GPC6: variants seen among roughly 807,000 people sequenced by gnomAD.
The protein encoded by GPC6 is glypican 6.
GPC6 carries 14 observed loss-of-function variants against 55.2 expected under a neutral mutation model. The ratio of observed to expected loss-of-function variants is 0.25; its 90% CI spans 0.17 to 0.40. GPC6 has a LOEUF of 0.40. Ranked by LOEUF, GPC6 falls within the 10% of genes least tolerant of loss-of-function variation. GPC6 has a pLI of 1.00. For synonymous variants in GPC6, 278 were observed against 259.6 expected, an observed-to-expected ratio of 1.07 and a Z score of -0.68; for missense variants, 641 against 708.5, an observed-to-expected ratio of 0.90 and a Z score of 1.08.
chr13:93,917,403 CA>C (rs796168883), intron 3 of GPC6, among the ~76,000 whole-genome samples: 1 of 151,728 alleles, frequency 6.6e-6, no homozygotes, highest in Non-Finnish European at 1.5e-5. Context: ...CTGCCACACA[CA>C]AAAAAACATT....
chr13:94,259,446 G>T (rs574006161), intron 4 of GPC6, among the ~76,000 whole-genome samples: 45 of 152,368 alleles, frequency 3.0e-4, no homozygotes, highest in Admixed American at 2.8e-3. Context: ...AGGCTGGGCT[G>T]CTTACATGCT....
intron 1 of GPC6, among the ~76,000 whole-genome samples, chr13:93,393,772 C>T (rs981057441): frequency 6.6e-6 from 1 of 152,034 alleles, no homozygotes; most frequent in African/African-American, 2.4e-5. Flanking sequence ...GAATGGCATT[C>T]AAGACCCCAT....
intron 2 of GPC6, among the ~76,000 whole-genome samples, chr13:93,825,575 T>C (rs1887200843): frequency 1.3e-5 from 2 of 152,312 alleles, no homozygotes; most frequent in South Asian, 4.1e-4. Flanking sequence ...CAGAAGAGGA[T>C]AAATGGCACT....
intron 4 of GPC6, among the ~76,000 whole-genome samples, chr13:94,197,014 C>T (rs1216233469): frequency 6.6e-6 from 1 of 151,140 alleles, no homozygotes; most frequent in Non-Finnish European, 1.5e-5. Flanking sequence ...CATTCTATAA[C>T]AAATGATGTC....
intron 1 of GPC6, among the ~76,000 whole-genome samples, chr13:93,325,962 A>G (rs1277265348): frequency 6.6e-6 from 1 of 152,152 alleles, no homozygotes; most frequent in African/African-American, 2.4e-5. Flanking sequence ...CCAACTAGTG[A>G]CTAGGTACTG....
intron 3 of GPC6, among the ~76,000 whole-genome samples, chr13:94,022,871 G>A (rs1882753110): frequency 6.6e-6 from 1 of 151,982 alleles, no homozygotes; most frequent in Non-Finnish European, 1.5e-5. Flanking sequence ...GTCATCTTTG[G>A]AGAAATGTCT....
chr13:93,808,873 G>A (rs1306055333), intron 2 of GPC6, among the ~76,000 whole-genome samples: 1 of 152,146 alleles, frequency 6.6e-6, no homozygotes, highest in Non-Finnish European at 1.5e-5. Flanking sequence ...CAAGGTAGTT[G>A]TAGGGAGCTG....
chr13:93,995,344 C>G (rs1881495781), intron 3 of GPC6, among the ~76,000 whole-genome samples: 1 of 151,932 alleles, frequency 6.6e-6, no homozygotes, highest in South Asian at 2.1e-4. Flanking sequence ...TGCACCACCA[C>G]ACCCAGGTAA....
intron 2 of GPC6, among the ~76,000 whole-genome samples, chr13:93,619,127 T>C (rs1047522812): frequency 6.6e-6 from 1 of 152,164 alleles, no homozygotes; most frequent in Non-Finnish European, 1.5e-5. Flanking sequence ...CATTATGTGG[T>C]ACATGACTGT....
intron 2 of GPC6, among the ~76,000 whole-genome samples, chr13:93,711,339 A>G (rs1348164460): frequency 6.6e-6 from 1 of 151,682 alleles, no homozygotes; most frequent in Non-Finnish European, 1.5e-5. Context: ...CCGTTCATAA[A>G]ACCATCAGAT....
chr13:94,127,042 A>G (rs141000500), intron 4 of GPC6, among the ~76,000 whole-genome samples: 6 of 152,220 alleles, frequency 3.9e-5, no homozygotes, highest in African/African-American at 1.4e-4. Flanking sequence ...TCATTTTTCA[A>G]TATGGTAACT....
At chr13:93,699,219 C>T (rs985896650) in intron 2 of GPC6, among the ~76,000 whole-genome samples, 9 of 151,928 alleles carry the variant, frequency 5.9e-5, no homozygotes, top group Non-Finnish European at 7.4e-5. Context: ...GCCAAGATTG[C>T]GAAGTTTAAG....
At chr13:93,562,588 C>G (rs1179641413) in intron 2 of GPC6, among the ~76,000 whole-genome samples, 1 of 152,014 alleles carries the variant, frequency 6.6e-6, no homozygotes, top group Non-Finnish European at 1.5e-5. Flanking sequence ...ACACAATTTG[C>G]TTTTACTATT....
chr13:93,473,817 G>T (rs1294176170), intron 1 of GPC6, among the ~76,000 whole-genome samples: 1 of 152,194 alleles, frequency 6.6e-6, no homozygotes. Context: ...TCAGGCAAGA[G>T]TGGCGACACA....
chr13:93,248,307 T>A (rs183106883), intron 1 of GPC6, among the ~76,000 whole-genome samples: 153 of 152,064 alleles, frequency 1.0e-3, no homozygotes, highest in African/African-American at 3.6e-3. Context: ...TTTCTAGCCA[T>A]GATTTTAAAA....
chr13:93,397,021 T>C (rs1486074624), intron 1 of GPC6, among the ~76,000 whole-genome samples: 1 of 152,224 alleles, frequency 6.6e-6, no homozygotes, highest in Non-Finnish European at 1.5e-5. Context: ...TCATTTGCAA[T>C]TATCCTTCAT....
At chr13:93,684,783 A>G (rs983330966) in intron 2 of GPC6, among the ~76,000 whole-genome samples, 1 of 152,192 alleles carries the variant, frequency 6.6e-6, no homozygotes, top group African/African-American at 2.4e-5. Flanking sequence ...TAAAAAAAAG[A>G]AGGATAGCAT....
intron 6 of GPC6, among the ~76,000 whole-genome samples, chr13:94,345,990 G>A (rs1244455557): frequency 2.6e-5 from 4 of 152,094 alleles, no homozygotes; most frequent in African/African-American, 9.7e-5. Context: ...TAAGCTTCTA[G>A]TGGATTTCCC....
rs1337958660 is a variant in GPC6, at chr13:94,407,220, G to C, written c.*4003G>C. The C allele has an allele frequency of 1.3e-5, 2 of 151,972 alleles. No homozygotes were observed. The highest frequency in any genetic ancestry group is 2.9e-5 in the Non-Finnish European group (2 of 67,958). 9.4% of individuals were successfully genotyped at this position (151,972 alleles called of 1,614,324 possible). A position where few individuals can be genotyped will look rare whatever the true frequency, so the allele number is the denominator to read the frequency against. On this transcript the variant is annotated 3_prime_UTR_variant, in exon 9 of 9. Coordinates refer to ENST00000377047, the MANE Select transcript of GPC6 (RefSeq NM_005708.5). Reference sequence around the variant, plus strand: ...TTCCAAAAAAAGACCCCTAACAATGGCATAATAGTGAGGTCTCTCTGTGCA... The same window carrying C: ...TTCCAAAAAAAGACCCCTAACAATGCCATAATAGTGAGGTCTCTCTGTGCA...
Sources: allele counts gnomAD v4.1 joint callset (sites outside exome capture counted in the v4.1 genomes callset), GRCh38; gene constraint gnomAD v4.1.1; transcripts MANE v1.5; gene names NCBI Gene and HGNC (gene_info 2026-07-23, HGNC 2026-07-21).